Variants in TMEM61 observed in about 807,000 individuals in gnomAD.
TMEM61 encodes transmembrane protein 61.
Under a neutral mutation model 12.0 loss-of-function variants are expected in TMEM61, and 13 were observed. The observed-to-expected ratio is 1.08, with a 90% CI of 0.70 to 1.72. TMEM61 has a LOEUF of 1.72. TMEM61 is among the 40% of genes most tolerant of loss of function. The pLI is 0.00. For synonymous variants in TMEM61, 109 were observed against 121.4 expected, an observed-to-expected ratio of 0.90 and a Z score of 0.67; for missense variants, 249 against 276.9, an observed-to-expected ratio of 0.90 and a Z score of 0.71.
At chr1:54,982,291 A>T (rs1644228075) in intron 1 of TMEM61, among the ~76,000 whole-genome samples, 1 of 152,120 alleles carries the variant, frequency 6.6e-6, no homozygotes, top group South Asian at 2.1e-4. Context: ...GGGTGCAATG[A>T]GAGTCCTGGA....
chr1:54,984,398 G>A (rs759523645), intron 1 of TMEM61, among the ~76,000 whole-genome samples: 1 of 152,136 alleles, frequency 6.6e-6, no homozygotes, highest in Non-Finnish European at 1.5e-5. Flanking sequence ...AAGCAGGCCC[G>A]GGGCAGGTGA....
rs13375174 is a variant in TMEM61, at chr1:54,984,547, C to T, written c.16-1550C>T. Among the ~76,000 whole-genome samples, 6 of 152,286 alleles carry T rather than the reference C, an allele frequency of 3.9e-5. No individual in the cohort carries two copies. The South Asian group carries it at 6.2e-4, about 16-fold the overall frequency. The stretch of plus-strand genomic sequence containing the variant: ...ACAACTGTGAGGGTGGATTTTCACC[C>T]GACCAGCATTGATTTATCCAGCAAC... On this transcript the variant is annotated intron_variant, in intron 1 of 2. Transcript: ENST00000371268.
chr1:54,986,123 C>T lies in TMEM61; in HGVS notation c.42C>T (p.Ser14=). ...PQMCDGSHLA[S]TLRYCMTVSG... is the part of the protein sequence containing the mutation. ...TGTGTGACGGGAGCCACTTGGCCTCCACCCTCCGCTATTGCATGACAGTCA... is the reference window on the plus strand; with the variant it reads ...TGTGTGACGGGAGCCACTTGGCCTCTACCCTCCGCTATTGCATGACAGTCA... The change falls in exon 2 of 3, where the codon TCC becomes TCT. Residue 14 remains serine (S), a synonymous_variant. Coordinates refer to ENST00000371268, the MANE Select transcript of TMEM61 (RefSeq NM_182532.3). 1 of 1,597,264 alleles carries T rather than the reference C, an allele frequency of 6.3e-7. No homozygotes were observed. The highest frequency in any genetic ancestry group is 8.6e-7 in the Non-Finnish European group (1 of 1,168,234).
At position 54,981,001 on chromosome 1, in the gene TMEM61, C is replaced by T. The variant is rs901336785; in HGVS notation, c.-65C>T. On this transcript the variant is annotated 5_prime_UTR_variant, in exon 1 of 3. Coordinates refer to ENST00000371268, the MANE Select transcript of TMEM61 (RefSeq NM_182532.3). ...GGTCGCTCAGCCCTGGCGTCCTCCA[C>T]CACCACACCTTCACCTGCGCCCGGC... 4.6e-6 allele frequency: 7 copies of T among 1,514,164 alleles called. No homozygotes were observed. In the African/African-American group the frequency reaches 9.7e-5, roughly 21 times the overall value. The allele number at this position is 1,514,164 out of a possible 1,614,324, so 93.8% of individuals were successfully genotyped here.
chr1:54,986,253 G>T lies in TMEM61; in HGVS notation c.172G>T (p.Val58Leu), dbSNP rs1208346276. ...GCTGGCCCCACCCACGGAGTATCCG[G>T]TGCCTGAGGGCCCCAGCCCCCTGCT... ...GQLAPPTEYP[V>L]PEGPSPLLRS... Residue 58 changes from valine (V) to leucine (L), a missense_variant, in exon 2 of 3, where the codon GTG (valine) becomes TTG (leucine). Transcript: ENST00000371268. 1.9e-6 allele frequency: 3 copies of T among 1,613,702 alleles called. No homozygotes were observed. The highest frequency in any genetic ancestry group is 2.2e-5 in the South Asian group (2 of 91,070).
At chr1:54,987,643 C>A (rs1644269708) in intron 2 of TMEM61, among the ~76,000 whole-genome samples, 1 of 152,168 alleles carries the variant, frequency 6.6e-6, no homozygotes, top group African/African-American at 2.4e-5. Context: ...GTACTAGGGG[C>A]CTGTGTACAT....
At chr1:54,991,797 C>T (rs1644300061) in intron 2 of TMEM61, 39 bp from the exon 3 acceptor site, 19 of 1,600,642 alleles carry the variant, frequency 1.2e-5, no homozygotes, top group Non-Finnish European at 1.5e-5. Flanking sequence ...GCAGGGTCTG[C>T]CCCAGCCCCT....
Position 54,980,992 on chromosome 1 carries a change from C to T in TMEM61, c.-74C>T, listed in dbSNP as rs1464395198. 32 of 1,488,972 alleles carry T rather than the reference C, an allele frequency of 2.1e-5. No homozygotes were observed. The highest frequency in any genetic ancestry group is 2.8e-5 in the Non-Finnish European group (31 of 1,110,062). 92.2% of individuals were successfully genotyped at this position (1,488,972 alleles called of 1,614,324 possible). On this transcript the variant is annotated 5_prime_UTR_variant, in exon 1 of 3. Coordinates refer to ENST00000371268, the MANE Select transcript of TMEM61 (RefSeq NM_182532.3). ...CGCTGGTAGGGTCGCTCAGCCCTGG[C>T]GTCCTCCACCACCACACCTTCACCT...
Position 54,989,500 on chromosome 1 carries a change from C to T in TMEM61, c.366-2336C>T, listed in dbSNP as rs1330792677. ...CAAAGATTGGGGTGAGCCCTAGCCT[C>T]CATGGCACTTCCTGTGCGGGGAGAC... is the stretch of plus-strand genomic sequence containing the variant. On this transcript the variant is annotated intron_variant, in intron 2 of 2. Coordinates refer to ENST00000371268, the MANE Select transcript of TMEM61 (RefSeq NM_182532.3). Among the ~76,000 whole-genome samples the T allele has an allele frequency of 2.0e-5, 3 of 152,250 alleles. No homozygotes were observed. In the East Asian group the frequency reaches 5.8e-4, roughly 29 times the overall value.
At position 54,980,922 on chromosome 1, in the gene TMEM61, C is replaced by G. The variant is rs1432810108; in HGVS notation, c.-144C>G. On this transcript the variant is annotated 5_prime_UTR_variant, in exon 1 of 3. Transcript: ENST00000371268. ...CAGGGCTCGGGGGCAGCGGCCAGGC[C>G]CCTCCGCCCCTAACACCCGCGCCTC... 5 of 836,738 alleles carry G rather than the reference C, an allele frequency of 6.0e-6. No individual in the cohort carries two copies. The East Asian group carries it at 1.6e-4, about 26-fold the overall frequency. 51.8% of individuals were successfully genotyped at this position (836,738 alleles called of 1,614,324 possible).
intron 1 of TMEM61, among the ~76,000 whole-genome samples, chr1:54,983,906 CT>C (rs1368630677): frequency 1.3e-5 from 2 of 150,716 alleles, no homozygotes; most frequent in African/African-American, 5.0e-5. Flanking sequence ...CACTTGCCCC[CT>C]GGACAGATTC....
intron 1 of TMEM61, among the ~76,000 whole-genome samples, chr1:54,981,878 T>C (rs557432599): frequency 3.9e-5 from 6 of 152,246 alleles, no homozygotes; most frequent in Non-Finnish European, 7.3e-5. Context: ...GGACAGGTGC[T>C]GAGCACTGCT....
rs200626777 is a variant in TMEM61, at chr1:54,991,876, G to A, written c.406G>A (p.Val136Met). ...TGACATCCCCACTTACGAGGAAGCC[G>A]TGAGCTTCCCAGTGGCCGAGGGGCC... ...VVDIPTYEEA[V>M]SFPVAEGPPT... is the part of the protein sequence containing the mutation. Residue 136 changes from valine to methionine, a missense_variant, in exon 3 of 3, where the codon GTG becomes ATG. By Grantham distance (21) the Val-to-Met change is conservative. Coordinates refer to ENST00000371268, the MANE Select transcript of TMEM61 (RefSeq NM_182532.3). 27 of 1,613,958 alleles carry A rather than the reference G, an allele frequency of 1.7e-5. No individual in the cohort carries two copies. The highest frequency in any genetic ancestry group is 1.2e-4 in the Admixed American group (7 of 60,004).
chr1:54,989,247 C>A (rs577211058), intron 2 of TMEM61, among the ~76,000 whole-genome samples: 1 of 152,156 alleles, frequency 6.6e-6, no homozygotes, highest in Non-Finnish European at 1.5e-5. Flanking sequence ...TGCAGTCAGA[C>A]GAAGCTGGGG....
chr1:54,981,078 C>A lies in TMEM61; in HGVS notation c.13C>A (p.Gln5Lys). 1 of 1,588,760 alleles carries A rather than the reference C, an allele frequency of 6.3e-7. No homozygotes were observed. Among genetic ancestry groups the A allele is most frequent in the Non-Finnish European group, 8.6e-7 (1 of 1,166,912 alleles). The stretch of plus-strand genomic sequence containing the variant: ...TGCCCGCCTCCCGATGGCCCTGCCC[C>A]AGGTGGGTGGAAACGGCCTTCTCCC... MALP[Q>K]MCDGSHLAST... Residue 5 changes from glutamine (Q) to lysine (K), a missense_variant and splice_region_variant, in exon 1 of 3, where the codon CAG (glutamine) becomes AAG (lysine). Physicochemically the swap from Gln to Lys is moderately conservative, Grantham distance 53. Coordinates refer to ENST00000371268, the MANE Select transcript of TMEM61 (RefSeq NM_182532.3).
chr1:54,988,925 C>G (rs1310630036), intron 2 of TMEM61, among the ~76,000 whole-genome samples: 1 of 152,198 alleles, frequency 6.6e-6, no homozygotes, highest in Non-Finnish European at 1.5e-5. Flanking sequence ...GAGGATGTTA[C>G]TTAGACTCTC....
In TMEM61 at chr1:54,986,189, T is replaced by A; in HGVS notation, c.108T>A (p.Ala36=). 1.2e-6 allele frequency: 2 copies of A among 1,613,896 alleles called. No individual in the cohort carries two copies. Among genetic ancestry groups the A allele is most frequent in the Non-Finnish European group, 8.5e-7 (1 of 1,179,944 alleles). ...VVLVAGTLCF[A]WWSEGDATAQ... ...TGGTGGCCGGGACGCTCTGCTTCGC[T>A]TGGTGGAGCGAAGGGGATGCAACCG... Residue 36 remains alanine, a synonymous_variant, in exon 2 of 3, where the codon GCT becomes GCA. Transcript: ENST00000371268.
rs912092112 is a variant in TMEM61 at position 54,990,994 on chromosome 1, G to A, written c.366-842G>A. Among the ~76,000 whole-genome samples the A allele has an allele frequency of 1.6e-4, 24 of 152,212 alleles. 1 individual carries two copies. The highest frequency in any genetic ancestry group is 5.8e-4 in the African/African-American group (24 of 41,456). On this transcript the variant is annotated intron_variant, in intron 2 of 2. Transcript: ENST00000371268. Reference sequence around the variant, plus strand: ...ACCTTCAGGATCACCCCCAAAGCAAGAGCAGCCCACACCCAGGATCAGCGA... The same window carrying A: ...ACCTTCAGGATCACCCCCAAAGCAAAAGCAGCCCACACCCAGGATCAGCGA...
chr1:54,991,328 G>A (rs1644296613), intron 2 of TMEM61, among the ~76,000 whole-genome samples: 1 of 152,236 alleles, frequency 6.6e-6, no homozygotes, highest in South Asian at 2.1e-4. Flanking sequence ...AGGTATGCAA[G>A]TAGAGATAAT....
Sources: allele counts gnomAD v4.1 joint callset (sites outside exome capture counted in the v4.1 genomes callset), GRCh38; gene constraint gnomAD v4.1.1; transcripts MANE v1.5; gene names NCBI Gene and HGNC (gene_info 2026-07-23, HGNC 2026-07-21).